The following RUNX1T1 variants were observed in gnomAD, a reference collection of about 807,000 sequenced individuals.
The protein encoded by RUNX1T1 is RUNX1 partner transcriptional co-repressor 1, also known as protein CBFA2T1.
RUNX1T1 carries 4 observed loss-of-function variants against 62.8 expected under a neutral mutation model. The observed-to-expected ratio is 0.06, with a 90% confidence interval of 0.03 to 0.15. The LOEUF is 0.15. Among genes scored for constraint, RUNX1T1 ranks in the 10% least tolerant of loss-of-function variants. RUNX1T1 has a pLI of 1.00. For synonymous variants in RUNX1T1, 291 were observed against 286.0 expected (o/e 1.02, Z -0.18); for missense variants, 508 against 754.3 (o/e 0.67, Z 3.82).
intron 2 of RUNX1T1, among the ~76,000 whole-genome samples, chr8:92,070,774 T>TA (rs560130000): frequency 1.2e-3 from 176 of 152,354 alleles, no homozygotes; most frequent in Admixed American, 5.1e-3. Context: ...ATAACTCCTA[T>TA]TAACATTAAT....
chr8:92,020,188 T>C (rs1823810490), intron 1 of RUNX1T1, among the ~76,000 whole-genome samples: 2 of 152,194 alleles, frequency 1.3e-5, no homozygotes, highest in South Asian at 4.1e-4. Context: ...CTAATCCACA[T>C]ACACATGAAC....
Position 92,077,181 on chromosome 8 carries a change from G to C in RUNX1T1, c.-85-1044C>G, listed in dbSNP as rs139730184. ...TGATTCTTTTGTGATGCAATCAGTT[G>C]TTTCTTGCTCTTTAAGGTTTAAAAA... On this transcript the variant is annotated intron_variant, in intron 1 of 11. Transcript: ENST00000265814. 2.2e-3 allele frequency among the ~76,000 whole-genome samples: 330 copies of C among 152,118 alleles called. 5 individuals carry two copies. The highest frequency in any genetic ancestry group is 1.3e-3 in the East Asian group (7 of 5,188).
At chr8:92,075,556 T>C (rs1834296644) in intron 2 of RUNX1T1, among the ~76,000 whole-genome samples, 1 of 152,242 alleles carries the variant, frequency 6.6e-6, no homozygotes, top group Non-Finnish European at 1.5e-5. Context: ...TTTGCCTATT[T>C]AGTCAACAAA....
At chr8:92,093,337 T>C (rs555554511) in intron 1 of RUNX1T1, among the ~76,000 whole-genome samples, 5 of 152,166 alleles carry the variant, frequency 3.3e-5, no homozygotes, top group African/African-American at 7.2e-5. Context: ...ACTCTCTGTA[T>C]GGTTCAAATT....
intron 1 of RUNX1T1, among the ~76,000 whole-genome samples, chr8:92,051,099 T>A (rs1393976625): frequency 6.6e-6 from 1 of 152,156 alleles, no homozygotes; most frequent in African/African-American, 2.4e-5. Context: ...TCTGAAATCA[T>A]CTTTTTCATT....
chr8:91,980,366 T>C (rs763316752), intron 8 of RUNX1T1, among the ~76,000 whole-genome samples: 3 of 152,314 alleles, frequency 2.0e-5, no homozygotes, highest in Admixed American at 2.0e-4. Context: ...GAATAACTTG[T>C]TTGTGGTTTT....
chr8:92,092,004 G>C (rs1318687739), intron 1 of RUNX1T1, among the ~76,000 whole-genome samples: 1 of 152,070 alleles, frequency 6.6e-6, no homozygotes, highest in Non-Finnish European at 1.5e-5. Context: ...ATTCACATGT[G>C]AAGCCACAAA....
chr8:92,040,456 G>A (rs1287140639), intron 1 of RUNX1T1, among the ~76,000 whole-genome samples: 2 of 152,102 alleles, frequency 1.3e-5, no homozygotes, highest in Non-Finnish European at 2.9e-5. Context: ...TTAGCACACA[G>A]CTAATTCTGA....
At chr8:91,993,203 A>T (rs1818021606) in intron 5 of RUNX1T1, among the ~76,000 whole-genome samples, 1 of 152,170 alleles carries the variant, frequency 6.6e-6, no homozygotes, top group Non-Finnish European at 1.5e-5. Context: ...TAGTGATGGC[A>T]TCCAGTCTTT....
chr8:92,015,174 A>G (rs1296304202), intron 2 of RUNX1T1, among the ~76,000 whole-genome samples: 3 of 152,232 alleles, frequency 2.0e-5, no homozygotes, highest in African/African-American at 4.8e-5. Flanking sequence ...GCAGGCTTAC[A>G]TCAATATAAC....
intron 1 of RUNX1T1, among the ~76,000 whole-genome samples, chr8:92,023,368 C>G (rs1469780811): frequency 6.6e-6 from 1 of 151,996 alleles, no homozygotes; most frequent in Admixed American, 6.6e-5. Flanking sequence ...AGATGACCAC[C>G]CTGAAAACAT....
rs72671442 is a variant in RUNX1T1, at chr8:92,078,029, A to G, written c.-85-1892T>C. Among the ~76,000 whole-genome samples, 283 of 152,276 alleles carry G rather than the reference A, an allele frequency of 1.9e-3. 1 individual carries two copies. The highest frequency in any genetic ancestry group is 3.1e-3 in the Non-Finnish European group (212 of 67,982). On this transcript the variant is annotated intron_variant, in intron 1 of 11. Coordinates refer to the RUNX1T1 transcript ENST00000265814. ...GTGAATGAAGAAAATTGGCAGGAAC[A>G]TGGTGATAACAAAGTATTTTAAATG...
intron 1 of RUNX1T1, among the ~76,000 whole-genome samples, chr8:92,080,456 C>T (rs532350783): frequency 6.6e-6 from 1 of 152,338 alleles, no homozygotes; most frequent in East Asian, 1.9e-4. Context: ...TGAAGCCAGC[C>T]CTTTGTCCCA....
intron 1 of RUNX1T1, among the ~76,000 whole-genome samples, chr8:92,096,919 C>A (rs1309995542): frequency 6.6e-6 from 1 of 152,124 alleles, no homozygotes; most frequent in Admixed American, 6.5e-5. Flanking sequence ...GCACTCCCCT[C>A]CAAATCACTT....
chr8:92,055,828 T>C (rs78245721), intron 1 of RUNX1T1, among the ~76,000 whole-genome samples: 1,623 of 152,330 alleles, frequency 0.011, 21 homozygotes, highest in African/African-American at 0.037. Flanking sequence ...ACGTATTTTG[T>C]CTGTAGGCTA....
chr8:92,016,010 A>G (rs1207833557), intron 2 of RUNX1T1, among the ~76,000 whole-genome samples: 1 of 152,192 alleles, frequency 6.6e-6, no homozygotes, highest in Non-Finnish European at 1.5e-5. Flanking sequence ...GCAGTGCAAC[A>G]CTGCATAAAC....
At chr8:92,016,178 A>T (rs1409508737) in intron 2 of RUNX1T1, among the ~76,000 whole-genome samples, 2 of 152,200 alleles carry the variant, frequency 1.3e-5, no homozygotes, top group Non-Finnish European at 2.9e-5. Context: ...TGACAATTTC[A>T]ACCAGGACTT....
chr8:92,010,696 G>A, intron 4 of RUNX1T1: 1 of 201,430 alleles, frequency 5.0e-6, no homozygotes, highest in South Asian at 1.6e-4. Context: ...CCAATCTTCT[G>A]TTCACTCTAA....
chr8:91,984,156 T>C (rs1816038186), intron 8 of RUNX1T1, among the ~76,000 whole-genome samples: 1 of 152,198 alleles, frequency 6.6e-6, no homozygotes, highest in African/African-American at 2.4e-5. Flanking sequence ...TAAAAAATAG[T>C]ATAGTTTGTA....
Sources: allele counts gnomAD v4.1 joint callset (sites outside exome capture counted in the v4.1 genomes callset), GRCh38; gene constraint gnomAD v4.1.1; transcripts MANE v1.5; gene names NCBI Gene and HGNC (gene_info 2026-07-23, HGNC 2026-07-21).